KLF9: variants seen among roughly 807,000 people sequenced by gnomAD.
KLF9 encodes Krueppel-like factor 9.
In KLF9, 2 loss-of-function variants were observed where a neutral mutation model predicts 17.3. The observed-to-expected ratio is 0.12, with a 90% CI of 0.05 to 0.36. The LOEUF (loss-of-function observed/expected upper bound fraction) is 0.36, where lower values mean the gene tolerates loss of function less well. KLF9 is among the 10% of genes least tolerant of loss of function. KLF9 has a pLI of 1.00. For missense variants in KLF9, 226 were observed against 333.2 expected (o/e 0.68, Z 2.51); for synonymous variants, 138 against 139.2 (o/e 0.99, Z 0.06).
chr9:70,404,379 G>T (rs1310538863), intron 1 of KLF9, among the ~76,000 whole-genome samples: 1 of 152,010 alleles, frequency 6.6e-6, no homozygotes, highest in African/African-American at 2.4e-5. Context: ...GCAGGCAAAT[G>T]GTTTGAGCTC....
intron 1 of KLF9, among the ~76,000 whole-genome samples, chr9:70,399,251 G>A (rs904099365): frequency 3.3e-5 from 5 of 152,192 alleles, no homozygotes; most frequent in Admixed American, 3.3e-4. Context: ...GCCTCTTGGT[G>A]TAGTGTGATA....
intron 1 of KLF9, among the ~76,000 whole-genome samples, chr9:70,391,330 G>A (rs1248604191): frequency 6.6e-6 from 1 of 152,150 alleles, no homozygotes; most frequent in Non-Finnish European, 1.5e-5. Context: ...TGTAATCAGG[G>A]TTTGTTCCCA....
chr9:70,393,832 G>A (rs374928445), intron 1 of KLF9, among the ~76,000 whole-genome samples: 1 of 151,988 alleles, frequency 6.6e-6, no homozygotes, highest in African/African-American at 2.4e-5. Flanking sequence ...ACCAGCCTGG[G>A]CAATGTGGTG....
In KLF9 at chr9:70,414,186, A is replaced by C. The variant is rs1388078449; in HGVS notation, c.-823T>G. 1 of 152,258 alleles carries C rather than the reference A, an allele frequency of 6.6e-6. No homozygotes were observed. Among genetic ancestry groups the C allele is most frequent in the Non-Finnish European group, 1.5e-5 (1 of 68,068 alleles). 9.4% of individuals were successfully genotyped at this position (152,258 alleles called of 1,614,324 possible). A position where few individuals can be genotyped will look rare whatever the true frequency, so the allele number is the denominator to read the frequency against. Reference sequence around the variant, plus strand: ...TTTAAAAGGGTAACAGCTGGGAGGCAGGGAAGGGGCAGCCGCACACTTTCG... The same window carrying C: ...TTTAAAAGGGTAACAGCTGGGAGGCCGGGAAGGGGCAGCCGCACACTTTCG... On this transcript the variant is annotated 5_prime_UTR_variant, in exon 1 of 2. Coordinates refer to ENST00000377126, the MANE Select transcript of KLF9 (RefSeq NM_001206.4).
rs2037340629 is a variant in KLF9 at position 70,413,211 on chromosome 9, C to A, written c.153G>T (p.Gly51=). The part of the protein sequence containing the change: ...REVTKEHGDP[G]DTWKDYCTLV... ...GTGTGCAGTAATCCTTCCAGGTGTC[C>A]CCCGGGTCACCGTGCTCCTTGGTCA... The change falls in exon 1 of 2, where the codon GGG becomes GGT. Residue 51 remains glycine, a synonymous_variant. Coordinates refer to ENST00000377126, the MANE Select transcript of KLF9 (RefSeq NM_001206.4). This position sits in a 1 kb window ranked among gnomAD's most constrained non-coding sequence, Gnocchi z 5.6. The A allele has an allele frequency of 6.2e-7, 1 of 1,613,974 alleles. No individual in the cohort carries two copies. Among genetic ancestry groups the A allele is most frequent in the South Asian group, 1.1e-5 (1 of 91,090 alleles).
intron 1 of KLF9, among the ~76,000 whole-genome samples, chr9:70,396,744 T>C (rs116480726): frequency 0.019 from 2,869 of 152,296 alleles, 104 homozygotes; most frequent in African/African-American, 0.063. Context: ...TTTTTCCCTA[T>C]GTTTTCTGAT....
At position 70,384,929 on chromosome 9, in the gene KLF9, C is replaced by T. The variant is rs1305301709; in HGVS notation, c.*2847G>A. The T allele has an allele frequency of 2.6e-5, 4 of 152,612 alleles. No homozygotes were observed. Among genetic ancestry groups the T allele is most frequent in the South Asian group, 2.1e-4 (1 of 4,828 alleles). The allele number at this position is 152,612 out of a possible 1,614,324, so 9.5% of individuals were successfully genotyped here. A position where few individuals can be genotyped will look rare whatever the true frequency, so the allele number is the denominator to read the frequency against. ...TTCTCAAGAGAAGCATGATGTGGAG[C>T]TAAACCTTAAAGCCAGGGCATCATT... On this transcript the variant is annotated 3_prime_UTR_variant, in exon 2 of 2. Coordinates refer to ENST00000377126, the MANE Select transcript of KLF9 (RefSeq NM_001206.4).
intron 1 of KLF9, among the ~76,000 whole-genome samples, chr9:70,392,667 AGAG>A (rs1460021876): frequency 3.9e-5 from 6 of 152,206 alleles, no homozygotes; most frequent in Non-Finnish European, 8.8e-5. Flanking sequence ...GATGATCTAC[AGAG>A]GAGGAGAGGA....
chr9:70,387,669 T>C lies in KLF9; in HGVS notation c.*107A>G. On this transcript the variant is annotated 3_prime_UTR_variant, in exon 2 of 2. Coordinates refer to ENST00000377126, the MANE Select transcript of KLF9 (RefSeq NM_001206.4). ...TTGACCAAAGAGCAGTGACTTCCTG[T>C]GCCGTCAAGTGTGCCTCTTCTGGGG... 1.1e-6 allele frequency: 1 copy of C among 873,804 alleles called. No individual in the cohort carries two copies. Among genetic ancestry groups the C allele is most frequent in the Non-Finnish European group, 1.9e-6 (1 of 536,202 alleles). The allele number at this position is 873,804 out of a possible 1,614,324, so 54.1% of individuals were successfully genotyped here. A position where few individuals can be genotyped will look rare whatever the true frequency, so the allele number is the denominator to read the frequency against.
chr9:70,412,558 A>G (rs1004800540), intron 1 of KLF9, among the ~76,000 whole-genome samples: 1 of 150,450 alleles, frequency 6.6e-6, no homozygotes, highest in East Asian at 2.0e-4. Flanking sequence ...GGGGTGCGGG[A>G]GAGTCCCGGG....
At chr9:70,401,946 C>T (rs1001342120) in intron 1 of KLF9, among the ~76,000 whole-genome samples, 10 of 150,862 alleles carry the variant, frequency 6.6e-5, no homozygotes, top group Admixed American at 2.0e-4. Flanking sequence ...ATCTAGGAGG[C>T]GGAGGTTGCA....
chr9:70,410,736 T>C (rs947256282), intron 1 of KLF9, among the ~76,000 whole-genome samples: 8 of 152,124 alleles, frequency 5.3e-5, no homozygotes, highest in Non-Finnish European at 1.0e-4. Context: ...TTAGAAAAGC[T>C]CCTTACCCTA....
At chr9:70,396,185 T>C (rs1304500647) in intron 1 of KLF9, among the ~76,000 whole-genome samples, 8 of 152,150 alleles carry the variant, frequency 5.3e-5, no homozygotes, top group Admixed American at 5.2e-4. Flanking sequence ...TCCAGGGCCA[T>C]CTGGCAATAT....
At chr9:70,388,085 T>C (rs748882102) in intron 1 of KLF9, 80 bp from the exon 2 acceptor site, 121 of 1,095,120 alleles carry the variant, frequency 1.1e-4, no homozygotes, top group Non-Finnish European at 1.6e-4. Flanking sequence ...CAATAGTCCC[T>C]ACGACTCAAA....
chr9:70,401,677 A>ACTCC (rs2037222621), intron 1 of KLF9, among the ~76,000 whole-genome samples: 1 of 118,878 alleles, frequency 8.4e-6, no homozygotes, highest in Non-Finnish European at 1.6e-5. Context: ...ACAGAGCAAG[A>ACTCC]CTCCTTCACA....
chr9:70,412,736 C>T (rs1454672237), intron 1 of KLF9, 123 bp downstream of exon 1: 2 of 899,930 alleles, frequency 2.2e-6, no homozygotes, highest in Admixed American at 2.4e-5. Flanking sequence ...AGAGTTAAAC[C>T]GCATCTTATC....
In KLF9 at chr9:70,386,721, TAACTA is replaced by T. The variant is rs1303430213; in HGVS notation, c.*1050_*1054del. 1 of 152,490 alleles carries T rather than the reference TAACTA, an allele frequency of 6.6e-6. No homozygotes were observed. Among genetic ancestry groups the T allele is most frequent in the African/African-American group, 2.4e-5 (1 of 41,458 alleles). 9.4% of individuals were successfully genotyped at this position (152,490 alleles called of 1,614,324 possible). A position where few individuals can be genotyped will look rare whatever the true frequency, so the allele number is the denominator to read the frequency against. On this transcript the variant is annotated 3_prime_UTR_variant, in exon 2 of 2. Transcript: ENST00000377126. ...TGGCATTAGGATACAATAATGATGT[TAACTA>T]AAAGCATAGGAAAATTTGGAAAAGT...
chr9:70,410,410 C>T (rs1445558391), intron 1 of KLF9, among the ~76,000 whole-genome samples: 1 of 151,632 alleles, frequency 6.6e-6, no homozygotes, highest in African/African-American at 2.4e-5. Context: ...AACAATAGGA[C>T]AAATCAGAAC....
rs2118903784 is a variant in KLF9 at position 70,386,668 on chromosome 9, CA to C, written c.*1107del. On this transcript the variant is annotated 3_prime_UTR_variant, in exon 2 of 2. Transcript: ENST00000377126. ...GTTATGCACACATTCAAATAAAACCCAACAGAGTCAAAAGCTCTCTCCCCTA... is the reference window on the plus strand; with the variant it reads ...GTTATGCACACATTCAAATAAAACCCACAGAGTCAAAAGCTCTCTCCCCTA... 1 of 152,662 alleles carries C rather than the reference CA, an allele frequency of 6.6e-6. No individual in the cohort carries two copies. The highest frequency in any genetic ancestry group is 6.5e-5 in the Admixed American group (1 of 15,288). 9.5% of individuals were successfully genotyped at this position (152,662 alleles called of 1,614,324 possible).
Sources: allele counts gnomAD v4.1 joint callset (sites outside exome capture counted in the v4.1 genomes callset), GRCh38; gene constraint gnomAD v4.1.1; non-coding constraint Gnocchi (gnomAD v3.1); transcripts MANE v1.5; gene names NCBI Gene and HGNC (gene_info 2026-07-23, HGNC 2026-07-21).